MAP4K3: variants seen among roughly 807,000 people sequenced by gnomAD.
MAP4K3 encodes mitogen-activated protein kinase kinase kinase kinase 3.
MAP4K3 carries 94 observed loss-of-function variants against 143.5 expected under a neutral mutation model. The observed-to-expected ratio is 0.65, with a 90% CI of 0.55 to 0.78. The LOEUF (loss-of-function observed/expected upper bound fraction) is 0.78. Among genes scored for constraint, MAP4K3 ranks in the 30% least tolerant of loss-of-function variants. The probability of loss-of-function intolerance (pLI) is 0.00; values close to 1 mark genes in which losing one functional copy is unlikely to be tolerated. For synonymous variants in MAP4K3, 416 were observed against 347.2 expected (o/e 1.20, Z -2.20); for missense variants, 1,077 against 1,068.1 (o/e 1.01, Z -0.12).
chr2:39,388,309 C>G (rs1666565444), intron 1 of MAP4K3, among the ~76,000 whole-genome samples: 1 of 152,178 alleles, frequency 6.6e-6, no homozygotes, highest in Admixed American at 6.5e-5. Flanking sequence ...TATAAAATAT[C>G]CTTCCATTAC....
chr2:39,397,713 T>G (rs1200758514), intron 1 of MAP4K3, among the ~76,000 whole-genome samples: 1 of 152,184 alleles, frequency 6.6e-6, no homozygotes, highest in East Asian at 1.9e-4. Context: ...TATAACTTTA[T>G]ATGGCCTCAA....
chr2:39,335,118 T>C (rs1573166009), intron 6 of MAP4K3, among the ~76,000 whole-genome samples: 2 of 151,848 alleles, frequency 1.3e-5, no homozygotes, highest in South Asian at 4.2e-4. Flanking sequence ...AAACCTGGAG[T>C]ATAAGATGAG....
At chr2:39,259,317 C>G (rs1488292268) in intron 29 of MAP4K3, among the ~76,000 whole-genome samples, 1 of 152,138 alleles carries the variant, frequency 6.6e-6, no homozygotes, top group African/African-American at 2.4e-5. Flanking sequence ...TATAAATGAA[C>G]AGCTCCGGGG....
rs1323157105 is a variant in MAP4K3 at position 39,356,042 on chromosome 2, C to T, written c.245+207G>A. 4 of 444,722 alleles carry T rather than the reference C, an allele frequency of 9.0e-6. No individual in the cohort carries two copies. In the Admixed American group the frequency reaches 1.3e-4, roughly 15 times the overall value. The allele number at this position is 444,722 out of a possible 1,614,324, so 27.5% of individuals were successfully genotyped here. On this transcript the variant is annotated intron_variant, in intron 3 of 33. Coordinates refer to ENST00000263881, the MANE Select transcript of MAP4K3 (RefSeq NM_003618.4). ...CTTGCCAGCATTTTCACTAAAAGCA[C>T]ATCTAGAATTCCCAAGTCATACGAC...
rs370415881 is a variant in MAP4K3, at chr2:39,399,371, T to C, written c.97-21248A>G. 3.9e-5 allele frequency among the ~76,000 whole-genome samples: 6 copies of C among 152,180 alleles called. No homozygotes were observed. In the East Asian group the frequency reaches 1.2e-3, roughly 29 times the overall value. On this transcript the variant is annotated intron_variant, in intron 1 of 33. Coordinates refer to ENST00000263881, the MANE Select transcript of MAP4K3 (RefSeq NM_003618.4). ...TAGGATTATGCTAAAACTGGTAGGC[T>C]TAAGGTAGTGCGCAGCAGCCTTCAA...
intron 21 of MAP4K3, among the ~76,000 whole-genome samples, chr2:39,282,858 A>T (rs563988442): frequency 1.8e-4 from 28 of 152,200 alleles, no homozygotes; most frequent in Non-Finnish European, 3.5e-4. Context: ...TCCCATAGAA[A>T]ATAGTGTTTG....
chr2:39,290,181 A>G (rs1573102498), intron 19 of MAP4K3, 111 bp downstream of exon 19: 3 of 713,446 alleles, frequency 4.2e-6, no homozygotes, highest in South Asian at 2.5e-5. Flanking sequence ...TATCAACTTC[A>G]TGATTTTTCT....
chr2:39,393,202 G>A (rs192184940), intron 1 of MAP4K3, among the ~76,000 whole-genome samples: 270 of 152,230 alleles, frequency 1.8e-3, no homozygotes, highest in African/African-American at 6.2e-3. Flanking sequence ...AATTACTGAG[G>A]ACTTCACCTG....
intron 1 of MAP4K3, among the ~76,000 whole-genome samples, chr2:39,432,293 T>C (rs1270334341): frequency 6.6e-6 from 1 of 152,258 alleles, no homozygotes; most frequent in Non-Finnish European, 1.5e-5. Flanking sequence ...GGTAAGTACT[T>C]CCTTTAGGTA....
chr2:39,288,593 T>C (rs566134893), intron 19 of MAP4K3, among the ~76,000 whole-genome samples: 6 of 152,336 alleles, frequency 3.9e-5, no homozygotes, highest in African/African-American at 1.4e-4. Flanking sequence ...TTTTAGTCTT[T>C]CTTATCTCCT....
At chr2:39,292,406 G>A (rs568947822) in intron 18 of MAP4K3, among the ~76,000 whole-genome samples, 2 of 152,268 alleles carry the variant, frequency 1.3e-5, no homozygotes, top group South Asian at 2.1e-4. Context: ...TTACGAGAGA[G>A]AGAGATCACT....
intron 27 of MAP4K3, 73 bp from the exon 28 acceptor site, chr2:39,265,379 AAAC>A (rs1328898839): frequency 3.3e-6 from 3 of 913,968 alleles, no homozygotes; most frequent in South Asian, 1.4e-5. Flanking sequence ...ATGCTCAAAA[AAAC>A]AAACAAAACT....
intron 1 of MAP4K3, among the ~76,000 whole-genome samples, chr2:39,386,820 C>CTTTTTTTTTT (rs56011585): frequency 7.2e-6 from 1 of 139,150 alleles, no homozygotes; most frequent in African/African-American, 2.8e-5. Context: ...TTTTGTTGTT[C>CTTTTTTTTTT]TTTTTTTTTT....
At chr2:39,257,861 A>G (rs993132244) in intron 31 of MAP4K3, among the ~76,000 whole-genome samples, 7 of 151,972 alleles carry the variant, frequency 4.6e-5, no homozygotes, top group Admixed American at 4.6e-4. Context: ...TCTACACTAC[A>G]GTTATTAAAC....
intron 32 of MAP4K3, among the ~76,000 whole-genome samples, chr2:39,253,752 G>C (rs1288975885): frequency 6.6e-6 from 1 of 152,156 alleles, no homozygotes; most frequent in African/African-American, 2.4e-5. Flanking sequence ...GATTGGCTTG[G>C]GGGTACTGGA....
In MAP4K3 at chr2:39,433,304, C is replaced by A. The variant is rs1044635014; in HGVS notation, c.96+3588G>T. ...AACCATAAGACTAGGTAAGATACTTCCTCAGAAACCATATTGAGACTATTC... is the reference window on the plus strand; with the variant it reads ...AACCATAAGACTAGGTAAGATACTTACTCAGAAACCATATTGAGACTATTC... On this transcript the variant is annotated intron_variant, in intron 1 of 33. Transcript: ENST00000263881. Among the ~76,000 whole-genome samples, 4 of 152,266 alleles carry A rather than the reference C, an allele frequency of 2.6e-5. No individual in the cohort carries two copies. In the South Asian group the frequency reaches 8.3e-4, roughly 32 times the overall value.
At chr2:39,330,374 T>G (rs916339918) in intron 8 of MAP4K3, among the ~76,000 whole-genome samples, 3 of 152,094 alleles carry the variant, frequency 2.0e-5, no homozygotes, top group African/African-American at 7.2e-5. Flanking sequence ...ACCAAAATTA[T>G]CAATCATGTA....
At chr2:39,426,382 A>T (rs1345406755) in intron 1 of MAP4K3, among the ~76,000 whole-genome samples, 1 of 152,162 alleles carries the variant, frequency 6.6e-6, no homozygotes, top group Non-Finnish European at 1.5e-5. Flanking sequence ...GCTATAATAG[A>T]CATTACTGGG....
chr2:39,352,055 G>A (rs1377101272), intron 3 of MAP4K3, among the ~76,000 whole-genome samples: 1 of 152,138 alleles, frequency 6.6e-6, no homozygotes, highest in Admixed American at 6.6e-5. Flanking sequence ...AGCATTTGTT[G>A]GCCAGGCGTG....
Sources: gnomAD v4.1 joint callset for allele counts (sites outside exome capture counted in the v4.1 genomes callset) on GRCh38, gnomAD v4.1.1 for gene constraint, MANE v1.5 for transcripts, NCBI Gene and HGNC (gene_info 2026-07-23, HGNC 2026-07-21) for gene names.